Variants in MED12L observed in about 807,000 individuals in gnomAD.
MED12L encodes the protein mediator of RNA polymerase II transcription subunit 12-like protein.
Under a neutral mutation model 281.3 loss-of-function variants are expected in MED12L, and 60 were observed. The observed-to-expected ratio is 0.21, with a 90% CI of 0.17 to 0.26. The LOEUF is 0.26. Ranked by LOEUF, MED12L falls within the 10% of genes least tolerant of loss-of-function variation. MED12L has a pLI of 1.00. For synonymous variants in MED12L, 974 were observed against 987.2 expected, an observed-to-expected ratio of 0.99 and a Z score of 0.25; for missense variants, 2,146 against 2,680.9, an observed-to-expected ratio of 0.80 and a Z score of 4.41.
At chr3:151,141,824 T>C (rs1055106621) in intron 5 of MED12L, among the ~76,000 whole-genome samples, 1 of 152,230 alleles carries the variant, frequency 6.6e-6, no homozygotes, top group Non-Finnish European at 1.5e-5. Context: ...TCTGGTCTTG[T>C]CACTTTGGGT....
intron 16 of MED12L, among the ~76,000 whole-genome samples, chr3:151,307,533 CTGTG>C (rs67391329): frequency 0.088 from 12,091 of 137,330 alleles, 554 homozygotes; most frequent in Non-Finnish European, 0.12. Flanking sequence ...GTAACTTGCT[CTGTG>C]TGTGTGTGTG....
chr3:151,199,199 A>G (rs1725151889), intron 16 of MED12L: 2 of 1,614,194 alleles, frequency 1.2e-6, no homozygotes, highest in East Asian at 4.5e-5. Flanking sequence ...TGCCAGAGTA[A>G]GCAGGAAATC....
chr3:151,208,552 G>A (rs1237161247), intron 16 of MED12L, among the ~76,000 whole-genome samples: 1 of 152,098 alleles, frequency 6.6e-6, no homozygotes, highest in Non-Finnish European at 1.5e-5. Context: ...CGTGATGGCG[G>A]GTACCTGTAA....
intron 16 of MED12L, among the ~76,000 whole-genome samples, chr3:151,222,593 A>G (rs1397831715): frequency 2.0e-5 from 3 of 152,230 alleles, no homozygotes; most frequent in Non-Finnish European, 4.4e-5. Context: ...CCACCATGTG[A>G]GATGTGCTCC....
rs201253391 is a variant in MED12L at position 151,192,544 on chromosome 3, T to G, written c.1969-6T>G. ...AATGTTACTTTCTTTCTCTGGCGAT[T>G]ATCAGGAACAGAGTATTATGGCGCA... is the stretch of plus-strand genomic sequence containing the variant. On this transcript the variant is annotated splice_region_variant and splice_polypyrimidine_tract_variant and intron_variant, in intron 14 of 44. Transcript: ENST00000687756. The G allele has an allele frequency of 2.0e-5, 31 of 1,521,984 alleles. 1 individual carries two copies. Among genetic ancestry groups the G allele is most frequent in the Non-Finnish European group, 2.5e-5 (28 of 1,134,272 alleles). The allele number at this position is 1,521,984 out of a possible 1,614,324, so 94.3% of individuals were successfully genotyped here.
chr3:151,299,498 A>G (rs1381908998), intron 16 of MED12L, among the ~76,000 whole-genome samples: 3 of 130,902 alleles, frequency 2.3e-5, no homozygotes, highest in Non-Finnish European at 4.7e-5. Context: ...TTTTTTTCTG[A>G]TACAGAGTCT....
intron 42 of MED12L, among the ~76,000 whole-genome samples, chr3:151,415,121 T>A (rs1449931414): frequency 1.3e-5 from 2 of 152,220 alleles, no homozygotes; most frequent in Admixed American, 1.3e-4. Flanking sequence ...CAGTTTTAAA[T>A]CTTATGTTGG....
At chr3:151,151,031 C>CTTTGTTTTTTTTTTTTT (rs1718399593) in intron 5 of MED12L, among the ~76,000 whole-genome samples, 3 of 32,880 alleles carry the variant, frequency 9.1e-5, no homozygotes, top group African/African-American at 1.2e-4. Context: ...GCTGAAGTAG[C>CTTTGTTTTTTTTTTTTT]TTTTTTTTTT....
In MED12L at chr3:151,409,337, C is replaced by A. The variant is rs2108345426; in HGVS notation, c.5910+5C>A. 5 of 1,613,700 alleles carry A rather than the reference C, an allele frequency of 3.1e-6. No homozygotes were observed. The highest frequency in any genetic ancestry group is 3.4e-6 in the Non-Finnish European group (4 of 1,179,774). On this transcript the variant is annotated splice_donor_5th_base_variant and intron_variant, in intron 40 of 44. Coordinates refer to ENST00000687756, the MANE Select transcript of MED12L (RefSeq NM_001393769.1). The stretch of plus-strand genomic sequence containing the variant: ...CCAGGGCTGCAGCAAGCACAGGTAC[C>A]CACATTTGCTTTGTAGGTACTGACA...
chr3:151,198,347 T>TG (rs1724977304), intron 16 of MED12L: 2 of 1,095,720 alleles, frequency 1.8e-6, no homozygotes, highest in South Asian at 2.2e-5. Flanking sequence ...TTTTTGTTTT[T>TG]TTTTTTTTTA....
intron 16 of MED12L, among the ~76,000 whole-genome samples, chr3:151,243,558 G>A (rs972041433): frequency 2.6e-5 from 4 of 152,128 alleles, no homozygotes; most frequent in Admixed American, 1.3e-4. Flanking sequence ...TTACAGACAA[G>A]CAAATACTGA....
chr3:151,158,754 A>G lies in MED12L; in HGVS notation c.792A>G (p.Pro264=), dbSNP rs1368251487. The change falls in exon 7 of 45, where the codon CCA becomes CCG. Residue 264 remains proline (P), a synonymous_variant. Coordinates refer to ENST00000687756, the MANE Select transcript of MED12L (RefSeq NM_001393769.1). ...WILDVLEKIR[P]MDDDLLKLLL... is the part of the protein sequence containing the mutation. The stretch of plus-strand genomic sequence containing the variant: ...TGGATGTTTTAGAAAAGATCAGACC[A>G]ATGGATGATGATCTTCTTAAACTCT... The G allele has an allele frequency of 6.2e-7, 1 of 1,613,294 alleles. No individual in the cohort carries two copies. Among genetic ancestry groups the G allele is most frequent in the Non-Finnish European group, 8.5e-7 (1 of 1,179,494 alleles).
rs1033860803 is a variant in MED12L at position 151,327,866 on chromosome 3, T to G, written c.2251-22193T>G. 4 of 688,242 alleles carry G rather than the reference T, an allele frequency of 5.8e-6. No individual in the cohort carries two copies. The African/African-American group carries it at 7.2e-5, about 12-fold the overall frequency. 42.6% of individuals were successfully genotyped at this position (688,242 alleles called of 1,614,324 possible). A position where few individuals can be genotyped will look rare whatever the true frequency, so the allele number is the denominator to read the frequency against. On this transcript the variant is annotated intron_variant, in intron 16 of 44. Transcript: ENST00000687756. ...GATTTAAATTTTATATAATCTTTTC[T>G]GTACACGAGGATAATAAAATGTAAG...
At chr3:151,156,426 C>T in intron 6 of MED12L, 96 bp downstream of exon 6, 1 of 1,193,126 alleles carries the variant, frequency 8.4e-7, no homozygotes, top group Non-Finnish European at 1.2e-6. Context: ...TCCTATTTTA[C>T]ATGAACCAAT....
chr3:151,354,316 T>A (rs1198064174), intron 17 of MED12L, among the ~76,000 whole-genome samples: 1 of 151,856 alleles, frequency 6.6e-6, no homozygotes, highest in Non-Finnish European at 1.5e-5. Flanking sequence ...TTAAGAAGAG[T>A]ACCCCTAGAA....
At chr3:151,233,064 G>T (rs952513246) in intron 16 of MED12L, among the ~76,000 whole-genome samples, 1 of 152,136 alleles carries the variant, frequency 6.6e-6, no homozygotes, top group African/African-American at 2.4e-5. Context: ...CATTGTCCCT[G>T]CCCTCTTGGA....
intron 11 of MED12L, among the ~76,000 whole-genome samples, chr3:151,184,469 A>G (rs1051248217): frequency 1.3e-5 from 2 of 152,130 alleles, no homozygotes; most frequent in Non-Finnish European, 2.9e-5. Flanking sequence ...CATCATGTTT[A>G]TCCCCATGGG....
intron 5 of MED12L, among the ~76,000 whole-genome samples, chr3:151,139,005 C>CTACCTACG (rs1313229928): frequency 1.3e-5 from 2 of 151,800 alleles, no homozygotes; most frequent in African/African-American, 4.9e-5. Flanking sequence ...ACCTACCTGC[C>CTACCTACG]TACCTACCTA....
Position 151,397,240 on chromosome 3 carries a change from ATTGTTT to A in MED12L, c.5820+2376_5820+2381del, listed in dbSNP as rs1432501923. On this transcript the variant is annotated intron_variant, in intron 39 of 44. Transcript: ENST00000687756. ...CCTCTTCATCTCAGACTCACTTCATATTGTTTTTAACAGTTGAAACTTAACTATGGA... is the reference window on the plus strand; with the variant it reads ...CCTCTTCATCTCAGACTCACTTCATATTAACAGTTGAAACTTAACTATGGA... Among the ~76,000 whole-genome samples, 4 of 152,292 alleles carry A rather than the reference ATTGTTT, an allele frequency of 2.6e-5. No homozygotes were observed. In the East Asian group the frequency reaches 7.7e-4, roughly 29 times the overall value.
Sources: allele counts gnomAD v4.1 joint callset (sites outside exome capture counted in the v4.1 genomes callset), GRCh38; gene constraint gnomAD v4.1.1; transcripts MANE v1.5; gene names NCBI Gene and HGNC (gene_info 2026-07-23, HGNC 2026-07-21).